EBF3: variants seen among roughly 807,000 people sequenced by gnomAD.
EBF3 encodes EBF transcription factor 3.
A neutral mutation model predicts 77.1 loss-of-function variants in EBF3; 18 were observed. That is an observed-to-expected ratio of 0.23 (90% confidence interval 0.16 to 0.35). The LOEUF is 0.35. EBF3 is among the 10% of genes least tolerant of loss of function. EBF3 has a pLI of 1.00. For missense variants in EBF3, 558 were observed against 860.0 expected (o/e 0.65, Z 4.39); for synonymous variants, 350 against 343.5 (o/e 1.02, Z -0.21).
At position 129,962,986 on chromosome 10, in the gene EBF3, G is replaced by C. The variant is rs1182757424; in HGVS notation, c.311C>G (p.Thr104Ser). The C allele has an allele frequency of 1.2e-6, 2 of 1,614,024 alleles. No homozygotes were observed. The part of the protein sequence containing the change: ...EKEKEPNNEK[T>S]NNGIHYKLQL... ...GAGTTTATAGTGGATGCCGTTGTTG[G>C]TTTTCTCGTTGTTTGGCTCCTGAAA... The change falls in exon 3 of 17, where the codon ACC (threonine) becomes AGC (serine). Residue 104 changes from threonine to serine, a missense_variant. Thr to Ser is a moderately conservative substitution (Grantham distance 58, BLOSUM62 1). This residue lies in a region of EBF3 where 84 missense variants were observed against 142.3 expected (regional missense o/e 0.59). Transcript: ENST00000440978.
intron 8 of EBF3, among the ~76,000 whole-genome samples, chr10:129,868,246 T>C (rs2134082853): frequency 6.6e-6 from 1 of 152,356 alleles, no homozygotes; most frequent in East Asian, 1.9e-4. Flanking sequence ...GCTGTACAGA[T>C]CTAAGCAGAG....
At chr10:129,852,079 G>C (rs1850920083) in intron 10 of EBF3, among the ~76,000 whole-genome samples, 1 of 152,194 alleles carries the variant, frequency 6.6e-6, no homozygotes, top group Admixed American at 6.5e-5. Flanking sequence ...GGCAGCCTGT[G>C]AAAGGCCAGA....
intron 10 of EBF3, among the ~76,000 whole-genome samples, chr10:129,852,518 G>A (rs947602212): frequency 2.0e-5 from 3 of 152,132 alleles, no homozygotes; most frequent in African/African-American, 7.2e-5. Context: ...TGACATACGT[G>A]GTTGTAGTTT....
intron 8 of EBF3, among the ~76,000 whole-genome samples, chr10:129,868,833 T>C (rs1564840914): frequency 6.6e-6 from 1 of 152,222 alleles, no homozygotes; most frequent in Non-Finnish European, 1.5e-5. Context: ...CTGCCTTTGA[T>C]GGCCTCTTGT....
chr10:129,927,362 A>G (rs1475052311), intron 6 of EBF3, among the ~76,000 whole-genome samples: 1 of 152,192 alleles, frequency 6.6e-6, no homozygotes, highest in Admixed American at 6.5e-5. Context: ...TTTCCCATAA[A>G]TACCCTCAGA....
intron 10 of EBF3, among the ~76,000 whole-genome samples, chr10:129,852,567 G>A (rs978275914): frequency 4.6e-5 from 7 of 152,074 alleles, no homozygotes; most frequent in African/African-American, 1.7e-4. Flanking sequence ...AGCCAGCCCC[G>A]CCCTGAGTTC....
At chr10:129,871,853 AAG>A (rs1485039353) in intron 8 of EBF3, among the ~76,000 whole-genome samples, 1 of 152,218 alleles carries the variant, frequency 6.6e-6, no homozygotes, top group Non-Finnish European at 1.5e-5. Context: ...AGGGTGGGAC[AAG>A]ATATTTCAAT....
chr10:129,899,177 G>T (rs1854610245), intron 6 of EBF3, among the ~76,000 whole-genome samples: 1 of 152,220 alleles, frequency 6.6e-6, no homozygotes, highest in East Asian at 1.9e-4. Context: ...GCTACATTGT[G>T]AGCTTCTGAT....
At chr10:129,919,065 ACT>A (rs1286016755) in intron 6 of EBF3, among the ~76,000 whole-genome samples, 1 of 151,942 alleles carries the variant, frequency 6.6e-6, no homozygotes, top group Non-Finnish European at 1.5e-5. Flanking sequence ...CATGACTGAG[ACT>A]CTCTCTGTCC....
At chr10:129,955,367 G>A (rs965133252) in intron 6 of EBF3, among the ~76,000 whole-genome samples, 5 of 152,160 alleles carry the variant, frequency 3.3e-5, no homozygotes, top group African/African-American at 9.7e-5. Flanking sequence ...CGTAAATGGA[G>A]CTTCAATCCT....
chr10:129,881,769 CA>C (rs1334695858), intron 6 of EBF3, among the ~76,000 whole-genome samples: 3 of 152,112 alleles, frequency 2.0e-5, no homozygotes, highest in Non-Finnish European at 2.9e-5. Context: ...CCGGGGAGGA[CA>C]GGGGTGGAGG....
chr10:129,872,300 T>C (rs1852457135), intron 8 of EBF3, among the ~76,000 whole-genome samples: 1 of 152,202 alleles, frequency 6.6e-6, no homozygotes, highest in Non-Finnish European at 1.5e-5. Flanking sequence ...AGATAAACAA[T>C]ACGTCACAGG....
In EBF3 at chr10:129,885,085, G is replaced by A. The variant is rs115700221; in HGVS notation, c.555-7236C>T. On this transcript the variant is annotated intron_variant, in intron 6 of 16. Transcript: ENST00000440978. The surrounding 1 kb of genome is among the most constrained non-coding windows in gnomAD (Gnocchi z 4.0). ...CACCGTCCCTCCAAAGAGCCTTATC[G>A]CTAAATTTCTGCTATAATGGTTTTT... Among the ~76,000 whole-genome samples, 798 of 152,248 alleles carry A rather than the reference G, an allele frequency of 5.2e-3. 7 individuals carry two copies. The highest frequency in any genetic ancestry group is 0.018 in the African/African-American group (762 of 41,544).
At chr10:129,941,940 A>C (rs1857776450) in intron 6 of EBF3, among the ~76,000 whole-genome samples, 1 of 152,226 alleles carries the variant, frequency 6.6e-6, no homozygotes, top group South Asian at 2.1e-4. Context: ...CACAGGGAGC[A>C]AAGTGAGCTC....
intron 6 of EBF3, among the ~76,000 whole-genome samples, chr10:129,930,350 T>C (rs1197260383): frequency 6.6e-6 from 1 of 151,892 alleles, no homozygotes; most frequent in African/African-American, 2.4e-5. Context: ...TGTCTATATC[T>C]ATCTCTATAT....
At chr10:129,896,368 G>A (rs1854374584) in intron 6 of EBF3, among the ~76,000 whole-genome samples, 1 of 152,238 alleles carries the variant, frequency 6.6e-6, no homozygotes, top group South Asian at 2.1e-4. Context: ...CATTAAAAGA[G>A]GGACTGAATG....
intron 6 of EBF3, among the ~76,000 whole-genome samples, chr10:129,955,321 A>G (rs1858957821): frequency 6.6e-6 from 1 of 152,232 alleles, no homozygotes; most frequent in Non-Finnish European, 1.5e-5. Flanking sequence ...CAGATTTTTC[A>G]TCAATAATTA....
At chr10:129,896,631 G>A (rs553572494) in intron 6 of EBF3, among the ~76,000 whole-genome samples, 62 of 152,320 alleles carry the variant, frequency 4.1e-4, no homozygotes, top group Non-Finnish European at 7.4e-4. Flanking sequence ...TCCCGGAGGC[G>A]GTGCACCGTG....
intron 5 of EBF3, among the ~76,000 whole-genome samples, chr10:129,957,552 G>A (rs114213142): frequency 0.024 from 3,636 of 152,270 alleles, 62 homozygotes; most frequent in Non-Finnish European, 0.031. Flanking sequence ...TACCAGGAGG[G>A]TAACCAGAGT....
Sources: gnomAD v4.1 joint callset for allele counts (sites outside exome capture counted in the v4.1 genomes callset) on GRCh38, gnomAD v4.1.1 for gene constraint, gnomAD v4.1.1 regional missense constraint, Gnocchi (gnomAD v3.1) non-coding constraint, MANE v1.5 for transcripts, NCBI Gene and HGNC (gene_info 2026-07-23, HGNC 2026-07-21) for gene names.